Variants in USH2A observed in about 807,000 individuals in gnomAD.
USH2A encodes the protein usherin.
A neutral mutation model predicts 538.9 loss-of-function variants in USH2A; 443 were observed. That is an observed-to-expected ratio of 0.82 (90% CI 0.76 to 0.89). The LOEUF is 0.89. Ranked by LOEUF, USH2A falls within the 40% of genes least tolerant of loss-of-function variation. The pLI is 0.00. For synonymous variants in USH2A, 2,413 were observed against 2,273.5 expected, an observed-to-expected ratio of 1.06 and a Z score of -1.75; for missense variants, 6,633 against 6,324.8, an observed-to-expected ratio of 1.05 and a Z score of -1.65.
chr1:215,650,461 G>T, intron 65 of USH2A, 131 bp downstream of exon 65: 2 of 1,101,878 alleles, frequency 1.8e-6, no homozygotes, highest in South Asian at 1.3e-5. Context: ...GTGCTACTAA[G>T]TTCACCGTAG....
At chr1:216,367,102 A>C (rs1199814871) in intron 3 of USH2A, among the ~76,000 whole-genome samples, 1 of 152,212 alleles carries the variant, frequency 6.6e-6, no homozygotes, top group African/African-American at 2.4e-5. Context: ...GCTGATGAAC[A>C]GCCAATTTTC....
At chr1:215,639,061 T>TA in intron 69 of USH2A, 94 bp downstream of exon 69, 2 of 1,166,886 alleles carry the variant, frequency 1.7e-6, no homozygotes, top group Non-Finnish European at 2.6e-6. Flanking sequence ...TCTATGCTAA[T>TA]ATATTAGGAC....
At chr1:216,253,265 G>T (rs377110905) in intron 11 of USH2A, among the ~76,000 whole-genome samples, 1 of 150,314 alleles carries the variant, frequency 6.7e-6, no homozygotes, top group East Asian at 2.0e-4. Context: ...TGCAACCTCC[G>T]CCTCCCAGGT....
chr1:215,867,191 A>G, intron 43 of USH2A, 21 bp from the exon 44 acceptor site: 1 of 1,611,838 alleles, frequency 6.2e-7, no homozygotes, highest in Non-Finnish European at 8.5e-7. Context: ...GTTTTGTTAA[A>G]AAAAGTATAT....
At chr1:215,718,603 A>G (rs1659555005) in intron 61 of USH2A, among the ~76,000 whole-genome samples, 1 of 152,212 alleles carries the variant, frequency 6.6e-6, no homozygotes, top group Non-Finnish European at 1.5e-5. Flanking sequence ...TACAGTGGTC[A>G]CTTGTCCTGA....
At chr1:216,337,470 A>G (rs2037995771) in intron 4 of USH2A, among the ~76,000 whole-genome samples, 1 of 151,370 alleles carries the variant, frequency 6.6e-6, no homozygotes, top group Non-Finnish European at 1.5e-5. Flanking sequence ...CAACAAATTA[A>G]ATCTGCCATG....
chr1:216,279,295 C>A (rs772077066), intron 11 of USH2A, among the ~76,000 whole-genome samples: 4 of 151,990 alleles, frequency 2.6e-5, no homozygotes, highest in Non-Finnish European at 4.4e-5. Context: ...AAAGGTAGAG[C>A]CCAGGGCACA....
rs372590222 is a variant in USH2A at position 216,078,227 on chromosome 1, T to A, written c.5434A>T (p.Ile1812Leu). The change falls in exon 27 of 72, where the codon ATA becomes TTA. Residue 1812 changes from isoleucine to leucine, a missense_variant. Ile to Leu is a conservative substitution (Grantham distance 5). Coordinates refer to ENST00000307340, the MANE Select transcript of USH2A (RefSeq NM_206933.4). ...ATCAGTCCATTCACACTTGCTGATA[T>A]GAAAGAGCCTTCCTTTTTAATAATG... ...KVIIKKEGSF[I>L]SASVNGLMKH... 2 of 1,613,786 alleles carry A rather than the reference T, an allele frequency of 1.2e-6. No homozygotes were observed. The highest frequency in any genetic ancestry group is 1.7e-6 in the Non-Finnish European group (2 of 1,179,840).
chr1:215,932,966 T>C (rs914870632), intron 38 of USH2A, among the ~76,000 whole-genome samples: 1 of 152,010 alleles, frequency 6.6e-6, no homozygotes, highest in Admixed American at 6.6e-5. Context: ...AATCTTGATA[T>C]ATGTATAAAT....
At chr1:215,996,954 TTA>T (rs1668157184) in intron 34 of USH2A, among the ~76,000 whole-genome samples, 2 of 152,116 alleles carry the variant, frequency 1.3e-5, no homozygotes, top group Admixed American at 6.6e-5. Flanking sequence ...TTTGTTATCT[TTA>T]TGTTTTGTTT....
chr1:216,139,455 T>C (rs2033558055), intron 21 of USH2A, among the ~76,000 whole-genome samples: 1 of 152,152 alleles, frequency 6.6e-6, no homozygotes, highest in South Asian at 2.1e-4. Context: ...TTCATTTTCT[T>C]TCCTTCTAGT....
rs185442688 is a variant in USH2A, at chr1:215,698,667, G to A, written c.12067-18291C>T. ...TATCCTTTGCCCACTTTTTGATGAGGTTATTTGTTTTTTTCTTGTAAATTT... is the reference window on the plus strand; with the variant it reads ...TATCCTTTGCCCACTTTTTGATGAGATTATTTGTTTTTTTCTTGTAAATTT... On this transcript the variant is annotated intron_variant, in intron 61 of 71. Transcript: ENST00000307340. 7.7e-3 allele frequency among the ~76,000 whole-genome samples: 1,169 copies of A among 152,228 alleles called. 11 individuals carry two copies. Among genetic ancestry groups the A allele is most frequent in the Non-Finnish European group, 0.012 (804 of 68,012 alleles).
rs145924817 is a variant in USH2A, at chr1:215,728,144, A to G, written c.11952T>C (p.Asn3984=). 30 of 1,614,200 alleles carry G rather than the reference A, an allele frequency of 1.9e-5. No individual in the cohort carries two copies. The highest frequency in any genetic ancestry group is 1.1e-4 in the African/African-American group (8 of 75,042). Residue 3984 remains asparagine (N), a synonymous_variant, in exon 61 of 72, where the codon AAT becomes AAC. Transcript: ENST00000307340. ...QATSAHSVLL[N]WTKPESPNGI... is the part of the protein sequence containing the mutation. ...CATTGGGAGATTCTGGCTTTGTCCA[A>G]TTCAACAGAACTGAATGAGCACTCG... is the stretch of plus-strand genomic sequence containing the variant.
At chr1:216,300,701 C>T (rs1485590760) in intron 9 of USH2A, among the ~76,000 whole-genome samples, 1 of 151,540 alleles carries the variant, frequency 6.6e-6, no homozygotes, top group East Asian at 1.9e-4. Context: ...CCCATAGTCT[C>T]CAAAGCATTT....
intron 30 of USH2A, among the ~76,000 whole-genome samples, chr1:216,050,788 G>A (rs1041757781): frequency 6.6e-6 from 1 of 151,016 alleles, no homozygotes; most frequent in South Asian, 2.1e-4. Context: ...TGTATTTTTA[G>A]TAGAGATGGG....
intron 21 of USH2A, among the ~76,000 whole-genome samples, chr1:216,130,304 C>T (rs1312260396): frequency 6.6e-6 from 1 of 150,858 alleles, no homozygotes; most frequent in African/African-American, 2.4e-5. Context: ...TTATCCCTCA[C>T]TGCCTTCCCA....
chr1:215,874,260 A>C (rs985242864), intron 43 of USH2A, among the ~76,000 whole-genome samples: 6 of 152,174 alleles, frequency 3.9e-5, no homozygotes, highest in Non-Finnish European at 7.3e-5. Flanking sequence ...CTTTGCAAGG[A>C]ATTATTAAGG....
Position 216,314,865 on chromosome 1 carries a change from C to T in USH2A, c.1644+7018G>A, listed in dbSNP as rs527469111. On this transcript the variant is annotated intron_variant, in intron 9 of 71. Transcript: ENST00000307340. ...AAATTGCTCTGTGAAGGCTTGGCTACCCTTGCAGGTAATGATGTCACAAAA... is the reference window on the plus strand; with the variant it reads ...AAATTGCTCTGTGAAGGCTTGGCTATCCTTGCAGGTAATGATGTCACAAAA... Among the ~76,000 whole-genome samples, 15 of 152,280 alleles carry T rather than the reference C, an allele frequency of 9.9e-5. No individual in the cohort carries two copies. In the South Asian group the frequency reaches 3.1e-3, roughly 32 times the overall value.
Position 215,674,248 on chromosome 1 carries a change from G to A in USH2A, c.13663C>T (p.Pro4555Ser), listed in dbSNP as rs2102664754. 6.2e-7 allele frequency: 1 copy of A among 1,614,062 alleles called. No individual in the cohort carries two copies. Among genetic ancestry groups the A allele is most frequent in the East Asian group, 2.2e-5 (1 of 44,872 alleles). The change falls in exon 63 of 72, where the codon CCA becomes TCA. Residue 4555 changes from proline (P) to serine (S), a missense_variant. Pro to Ser is a moderately conservative substitution (Grantham distance 74, BLOSUM62 -1). Transcript: ENST00000307340. Reference protein sequence around the residue: ...PQEILVNWDPPVRTNGDIINY... With the variant: ...PQEILVNWDPSVRTNGDIINY... The stretch of plus-strand genomic sequence containing the variant: ...ATGATATCACCATTTGTTCTCACTG[G>A]AGGGTCCCAGTTCACTAAGATCTCC...
Sources: gnomAD v4.1 joint callset for allele counts (sites outside exome capture counted in the v4.1 genomes callset) on GRCh38, gnomAD v4.1.1 for gene constraint, MANE v1.5 for transcripts, NCBI Gene and HGNC (gene_info 2026-07-23, HGNC 2026-07-21) for gene names.